The following MTCL1 variants were observed in gnomAD, a reference collection of about 807,000 sequenced individuals.
MTCL1 encodes the protein microtubule crosslinking factor 1, also known as microtubule cross-linking factor 1.
A neutral mutation model predicts 141.4 loss-of-function variants in MTCL1; 79 were observed. The ratio of observed to expected loss-of-function variants is 0.56; its 90% CI spans 0.47 to 0.67. The LOEUF is 0.67. Ranked by LOEUF, MTCL1 falls within the 30% of genes least tolerant of loss-of-function variation. MTCL1 has a pLI of 0.00. For synonymous variants in MTCL1, 914 were observed against 875.8 expected, an observed-to-expected ratio of 1.04 and a Z score of -0.77; for missense variants, 2,177 against 2,113.9, an observed-to-expected ratio of 1.03 and a Z score of -0.59.
At chr18:8,778,192 A>T (rs1363871772) in intron 5 of MTCL1, among the ~76,000 whole-genome samples, 1 of 152,208 alleles carries the variant, frequency 6.6e-6, no homozygotes, top group Non-Finnish European at 1.5e-5. Flanking sequence ...ATAAATGGTA[A>T]AAAGTGTTTT....
intron 7 of MTCL1, among the ~76,000 whole-genome samples, chr18:8,791,139 C>A (rs920405747): frequency 8.5e-5 from 13 of 152,122 alleles, no homozygotes; most frequent in African/African-American, 3.1e-4. Flanking sequence ...TCCAAGGGAA[C>A]AGGAGATGGG....
chr18:8,766,373 C>T (rs1010387727), intron 4 of MTCL1, among the ~76,000 whole-genome samples: 7 of 152,046 alleles, frequency 4.6e-5, no homozygotes, highest in Non-Finnish European at 8.8e-5. Flanking sequence ...GCTGTCTCTG[C>T]CGTGGCTGCT....
chr18:8,823,300 A>G (rs2076908610), intron 14 of MTCL1, among the ~76,000 whole-genome samples: 1 of 152,144 alleles, frequency 6.6e-6, no homozygotes, highest in South Asian at 2.1e-4. Context: ...TCCATGCCCC[A>G]GAGGCACTGA....
At chr18:8,829,350 G>C (rs2077124841) in intron 16 of MTCL1, 1 of 985,360 alleles carries the variant, frequency 1.0e-6, no homozygotes, top group Non-Finnish European at 1.2e-6. Context: ...TCAACATTTT[G>C]GTTATACGTG....
chr18:8,828,951 G>T lies in MTCL1; in HGVS notation c.*5G>T. On this transcript the variant is annotated 3_prime_UTR_variant, in exon 16 of 17. Coordinates refer to ENST00000359865, the Ensembl canonical transcript of MTCL1. The surrounding 1 kb of genome is among the most constrained non-coding windows in gnomAD (Gnocchi z 5.2). ...ACTGCCCCCTGGGGACTCTAGCCCT[G>T]CCCGCCTCACGCTGTAAGTGCTTCC... 1.9e-6 allele frequency: 3 copies of T among 1,614,190 alleles called. No homozygotes were observed. Among genetic ancestry groups the T allele is most frequent in the Non-Finnish European group, 2.5e-6 (3 of 1,180,038 alleles).
At chr18:8,709,909 G>A (rs1462912066) in intron 1 of MTCL1, among the ~76,000 whole-genome samples, 1 of 151,878 alleles carries the variant, frequency 6.6e-6, no homozygotes, top group Admixed American at 6.6e-5. Flanking sequence ...GCGTGATCTC[G>A]GCTCACTGCA....
intron 10 of MTCL1, among the ~76,000 whole-genome samples, chr18:8,801,366 T>C (rs187718488): frequency 8.9e-4 from 136 of 152,208 alleles, no homozygotes; most frequent in African/African-American, 3.1e-3. Flanking sequence ...GTATTTACAT[T>C]TCAATTTTGT....
At chr18:8,728,820 C>T (rs542505893) in intron 4 of MTCL1, among the ~76,000 whole-genome samples, 3 of 146,532 alleles carry the variant, frequency 2.0e-5, no homozygotes, top group South Asian at 2.2e-4. Context: ...CTGCAACCTC[C>T]GCCTCCCGAG....
chr18:8,758,722 C>T (rs1005456969), intron 4 of MTCL1, among the ~76,000 whole-genome samples: 1 of 152,078 alleles, frequency 6.6e-6, no homozygotes, highest in Non-Finnish European at 1.5e-5. Flanking sequence ...TCCCAAGGGC[C>T]CCGGGGACTT....
At chr18:8,806,682 C>T (rs766262712) in intron 10 of MTCL1, among the ~76,000 whole-genome samples, 5 of 152,158 alleles carry the variant, frequency 3.3e-5, no homozygotes, top group Non-Finnish European at 7.4e-5. Context: ...CAAACAGGCC[C>T]TCAGTCTCAG....
intron 15 of MTCL1, among the ~76,000 whole-genome samples, chr18:8,827,310 G>A (rs2077057363): frequency 6.6e-6 from 1 of 152,250 alleles, no homozygotes; most frequent in African/African-American, 2.4e-5. Context: ...TTTCCCACAA[G>A]AGGGTAAATG....
chr18:8,785,572 G>C (rs891452651), intron 6 of MTCL1: 1 of 244,250 alleles, frequency 4.1e-6, no homozygotes, highest in Non-Finnish European at 7.9e-6. Flanking sequence ...GAAGAGCCTC[G>C]TTTTCCGTTT....
chr18:8,792,715 C>T (rs1197507726), intron 7 of MTCL1, among the ~76,000 whole-genome samples: 1 of 152,158 alleles, frequency 6.6e-6, no homozygotes, highest in South Asian at 2.1e-4. Flanking sequence ...ACTTCCTTCT[C>T]TCAGTCTGGT....
intron 4 of MTCL1, among the ~76,000 whole-genome samples, chr18:8,761,326 T>G (rs564301074): frequency 2.6e-5 from 4 of 152,352 alleles, no homozygotes; most frequent in Admixed American, 2.0e-4. Context: ...ATTAGTATTT[T>G]TATTGTGATA....
In MTCL1 at chr18:8,779,189, G is replaced by A. The variant is rs1035246055; in HGVS notation, c.417+1297G>A. 6.6e-6 allele frequency among the ~76,000 whole-genome samples: 1 copy of A among 152,194 alleles called. No individual in the cohort carries two copies. Among genetic ancestry groups the A allele is most frequent in the African/African-American group, 2.4e-5 (1 of 41,444 alleles). On this transcript the variant is annotated intron_variant, in intron 5 of 16. Transcript: ENST00000359865. The surrounding 1 kb of genome is among the most constrained non-coding windows in gnomAD (Gnocchi z 4.1). The stretch of plus-strand genomic sequence containing the variant: ...AAGCCAAAGAATATATACAGAGAGC[G>A]ATATATTTCTGTTGCTTGACAAGGC...
chr18:8,758,277 C>A (rs1012241984), intron 4 of MTCL1, among the ~76,000 whole-genome samples: 1 of 152,140 alleles, frequency 6.6e-6, no homozygotes, highest in African/African-American at 2.4e-5. Context: ...CCTGCCTCGG[C>A]CTCCCAAAAT....
intron 14 of MTCL1, 87 bp downstream of exon 13, chr18:8,821,585 C>A: frequency 1.5e-6 from 1 of 655,606 alleles, no homozygotes; most frequent in Non-Finnish European, 2.6e-6. Flanking sequence ...GTCTATTTTA[C>A]CACTCTCTTC....
chr18:8,759,148 G>A (rs2096417532), intron 4 of MTCL1, among the ~76,000 whole-genome samples: 1 of 152,268 alleles, frequency 6.6e-6, no homozygotes, highest in African/African-American at 2.4e-5. Flanking sequence ...TTAAGTAGCA[G>A]ATCACATGCA....
Position 8,705,793 on chromosome 18 carries a change from G to A in MTCL1, c.133G>A (p.Ala45Thr). 3.3e-6 allele frequency: 4 copies of A among 1,194,868 alleles called. No homozygotes were observed. The highest frequency in any genetic ancestry group is 4.2e-6 in the Non-Finnish European group (4 of 963,664). 74.0% of individuals were successfully genotyped at this position (1,194,868 alleles called of 1,614,324 possible). A position where few individuals can be genotyped will look rare whatever the true frequency, so the allele number is the denominator to read the frequency against. Residue 45 changes from alanine (A) to threonine (T), a missense_variant, in exon 1 of 14, where the codon GCC (alanine) becomes ACC (threonine). Ala to Thr is a moderately conservative substitution (Grantham distance 58). Coordinates refer to the MTCL1 transcript ENST00000306329. This position sits in a 1 kb window ranked among gnomAD's most constrained non-coding sequence, Gnocchi z 5.2. ...GCGGCTGCACCGTGCGCCCTCGCCC[G>A]CCAGACCCTTCCTCAAGGACCTGCA...
Sources: gnomAD v4.1 joint callset for allele counts (sites outside exome capture counted in the v4.1 genomes callset) on GRCh38, gnomAD v4.1.1 for gene constraint, Gnocchi (gnomAD v3.1) non-coding constraint, MANE v1.5 for transcripts, NCBI Gene and HGNC (gene_info 2026-07-23, HGNC 2026-07-21) for gene names.